The following DCC variants were observed in gnomAD, a reference collection of about 807,000 sequenced individuals.
DCC encodes DCC netrin 1 receptor.
A neutral mutation model predicts 172.5 loss-of-function variants in DCC; 58 were observed. The ratio of observed to expected loss-of-function variants is 0.34; its 90% CI spans 0.27 to 0.42. The LOEUF is 0.42. Among genes scored for constraint, DCC ranks in the 10% least tolerant of loss-of-function variants. DCC has a pLI of 1.00. For missense variants in DCC, 1,740 were observed against 1,791.0 expected, an observed-to-expected ratio of 0.97 and a Z score of 0.51; for synonymous variants, 709 against 644.5, an observed-to-expected ratio of 1.10 and a Z score of -1.52.
At chr18:53,192,005 A>G (rs1361883517) in intron 9 of DCC, among the ~76,000 whole-genome samples, 2 of 152,224 alleles carry the variant, frequency 1.3e-5, no homozygotes, top group Non-Finnish European at 2.9e-5. Flanking sequence ...ATCTCTGAAC[A>G]AGCCCAAACC....
intron 9 of DCC, among the ~76,000 whole-genome samples, chr18:53,187,241 A>G (rs746193533): frequency 2.0e-5 from 3 of 151,458 alleles, no homozygotes; most frequent in Non-Finnish European, 4.4e-5. Context: ...TCCTGCCTCA[A>G]CGTCCCAAGT....
At chr18:53,321,827 T>C (rs1344567216) in intron 13 of DCC, among the ~76,000 whole-genome samples, 1 of 152,246 alleles carries the variant, frequency 6.6e-6, no homozygotes, top group Non-Finnish European at 1.5e-5. Flanking sequence ...GACACATTTT[T>C]ATAAACTGGA....
intron 15 of DCC, among the ~76,000 whole-genome samples, chr18:53,365,477 T>A (rs994397686): frequency 1.3e-5 from 2 of 151,546 alleles, no homozygotes; most frequent in African/African-American, 4.8e-5. Flanking sequence ...AGCAGCAAAC[T>A]TTTTATTTTC....
chr18:52,792,345 TAA>T (rs996762074), intron 2 of DCC, among the ~76,000 whole-genome samples: 73 of 152,236 alleles, frequency 4.8e-4, no homozygotes, highest in African/African-American at 1.7e-3. Context: ...ATAGAGAGAT[TAA>T]GAGATGTGAT....
chr18:53,110,640 A>G (rs2043316488), intron 7 of DCC, among the ~76,000 whole-genome samples: 1 of 150,606 alleles, frequency 6.6e-6, no homozygotes, highest in Non-Finnish European at 1.5e-5. Flanking sequence ...CAAAAAACAC[A>G]TGAAAAAATG....
intron 9 of DCC, among the ~76,000 whole-genome samples, chr18:53,198,688 C>T (rs1039598019): frequency 6.6e-6 from 1 of 152,144 alleles, no homozygotes; most frequent in Non-Finnish European, 1.5e-5. Context: ...TTTACTCCAA[C>T]ATAAGTACTT....
chr18:53,317,026 G>T (rs1323217264), intron 13 of DCC, among the ~76,000 whole-genome samples: 1 of 152,190 alleles, frequency 6.6e-6, no homozygotes, highest in Non-Finnish European at 1.5e-5. Flanking sequence ...TCTTGTGCCG[G>T]CTTTCAAAGG....
At chr18:52,947,568 C>T (rs1036025828) in intron 5 of DCC, among the ~76,000 whole-genome samples, 3 of 152,312 alleles carry the variant, frequency 2.0e-5, no homozygotes, top group Middle Eastern at 3.4e-3. Flanking sequence ...TGTAACTACA[C>T]GTATCCCACT....
At chr18:52,771,692 T>A (rs995280694) in intron 2 of DCC, among the ~76,000 whole-genome samples, 5 of 152,166 alleles carry the variant, frequency 3.3e-5, no homozygotes, top group Admixed American at 3.3e-4. Context: ...TCCTTTAATA[T>A]TGAGCAGTTT....
At chr18:53,470,792 T>A (rs1398455502) in intron 25 of DCC, among the ~76,000 whole-genome samples, 1 of 152,110 alleles carries the variant, frequency 6.6e-6, no homozygotes, top group Non-Finnish European at 1.5e-5. Context: ...GAGAACTCAC[T>A]CACCATCACG....
At chr18:52,363,067 G>C (rs1267517101) in intron 1 of DCC, among the ~76,000 whole-genome samples, 1 of 152,054 alleles carries the variant, frequency 6.6e-6, no homozygotes, top group Non-Finnish European at 1.5e-5. Context: ...TAGTAGAGAT[G>C]GGGTTTTGCC....
chr18:52,690,363 G>A (rs2035912680), intron 1 of DCC, among the ~76,000 whole-genome samples: 1 of 152,164 alleles, frequency 6.6e-6, no homozygotes, highest in Non-Finnish European at 1.5e-5. Context: ...GAGGGCAGTA[G>A]AGGCTTCACA....
chr18:53,421,846 T>C (rs1476141724), intron 21 of DCC, among the ~76,000 whole-genome samples: 1 of 152,242 alleles, frequency 6.6e-6, no homozygotes, highest in Admixed American at 6.5e-5. Context: ...CTTTGCATAG[T>C]GAAGCATCTC....
intron 1 of DCC, among the ~76,000 whole-genome samples, chr18:52,714,425 A>G (rs571002892): frequency 6.6e-6 from 1 of 152,222 alleles, no homozygotes; most frequent in Non-Finnish European, 1.5e-5. Context: ...TATTTAGGGT[A>G]GTAGAACTTT....
intron 5 of DCC, among the ~76,000 whole-genome samples, chr18:52,931,426 G>T (rs529526425): frequency 1.6e-5 from 2 of 126,008 alleles, no homozygotes; most frequent in South Asian, 2.2e-4. Flanking sequence ...CATTTTATTA[G>T]ACTCTTGTTT....
At chr18:53,302,197 G>A (rs1286950213) in intron 12 of DCC, among the ~76,000 whole-genome samples, 2 of 151,866 alleles carry the variant, frequency 1.3e-5, no homozygotes, top group Non-Finnish European at 2.9e-5. Context: ...AATTCAGTCA[G>A]ATTCTTCTAA....
chr18:53,131,470 T>A (rs1481910925), intron 7 of DCC, among the ~76,000 whole-genome samples: 1 of 152,088 alleles, frequency 6.6e-6, no homozygotes, highest in Non-Finnish European at 1.5e-5. Context: ...AGAGGAAGGA[T>A]AAAACCTGAC....
At chr18:52,700,819 A>G (rs934333556) in intron 1 of DCC, among the ~76,000 whole-genome samples, 3 of 152,230 alleles carry the variant, frequency 2.0e-5, no homozygotes, top group African/African-American at 7.2e-5. Context: ...AATCACCAGG[A>G]CAGAGAGTAA....
intron 8 of DCC, among the ~76,000 whole-genome samples, chr18:53,174,730 C>T (rs1360696018): frequency 4.8e-5 from 7 of 146,852 alleles, no homozygotes; most frequent in South Asian, 2.3e-4. Flanking sequence ...GATTCACAGC[C>T]GAATTCTACC....
Sources: gnomAD v4.1 joint callset for allele counts (sites outside exome capture counted in the v4.1 genomes callset) on GRCh38, gnomAD v4.1.1 for gene constraint, MANE v1.5 for transcripts, NCBI Gene and HGNC (gene_info 2026-07-23, HGNC 2026-07-21) for gene names.